RGS6: variants seen among roughly 807,000 people sequenced by gnomAD.
The protein encoded by RGS6 is regulator of G-protein signaling 6.
In RGS6, 30 loss-of-function variants were observed where a neutral mutation model predicts 78.5. That is an observed-to-expected ratio of 0.38 (90% confidence interval 0.29 to 0.52). The LOEUF is 0.52. RGS6 is among the 20% of genes least tolerant of loss of function. RGS6 has a pLI of 0.85. For missense variants in RGS6, 495 were observed against 609.7 expected, an observed-to-expected ratio of 0.81 and a Z score of 1.98; for synonymous variants, 206 against 206.0, an observed-to-expected ratio of 1.00 and a Z score of 0.00.
chr14:72,083,160 A>C (rs769902467), intron 2 of RGS6, among the ~76,000 whole-genome samples: 2 of 152,196 alleles, frequency 1.3e-5, no homozygotes, highest in African/African-American at 2.4e-5. Flanking sequence ...CAATTCACTC[A>C]TACGCTCATT....
intron 2 of RGS6, among the ~76,000 whole-genome samples, chr14:72,350,011 A>C (rs947506082): frequency 1.3e-5 from 2 of 152,232 alleles, no homozygotes; most frequent in East Asian, 3.8e-4. Context: ...CTATCAATAA[A>C]TAATACTCAA....
chr14:72,364,176 A>G (rs977169165), intron 3 of RGS6, among the ~76,000 whole-genome samples: 6 of 152,102 alleles, frequency 3.9e-5, no homozygotes, highest in Non-Finnish European at 2.9e-5. Context: ...TTGTTTAGCA[A>G]TATCAGATCC....
intron 2 of RGS6, among the ~76,000 whole-genome samples, chr14:72,054,348 G>A (rs915958012): frequency 2.0e-5 from 3 of 152,166 alleles, no homozygotes; most frequent in African/African-American, 7.2e-5. Context: ...CTGCAAAGGT[G>A]GAGGAATCAC....
chr14:72,462,030 G>T (rs1444327994), intron 6 of RGS6, among the ~76,000 whole-genome samples: 1 of 152,186 alleles, frequency 6.6e-6, no homozygotes, highest in East Asian at 1.9e-4. Context: ...TATGACTGAG[G>T]TGACCGTCTC....
At chr14:72,277,749 G>A (rs897719403) in intron 2 of RGS6, among the ~76,000 whole-genome samples, 2 of 151,978 alleles carry the variant, frequency 1.3e-5, no homozygotes, top group South Asian at 2.1e-4. Context: ...TCGACATGGT[G>A]AAACCCCGTC....
chr14:72,271,708 A>G (rs749339993), intron 2 of RGS6, among the ~76,000 whole-genome samples: 1 of 152,236 alleles, frequency 6.6e-6, no homozygotes, highest in Non-Finnish European at 1.5e-5. Context: ...AACCATGTAA[A>G]TATATTATCC....
At chr14:71,869,542 A>C in the RGS6 span, among the ~76,000 whole-genome samples, 1 of 152,254 alleles carries the variant, frequency 6.6e-6, no homozygotes. Context: ...AACTGAACTT[A>C]ACAAGCTTCC....
chr14:72,323,979 T>A (rs2072963085), intron 2 of RGS6, among the ~76,000 whole-genome samples: 1 of 152,030 alleles, frequency 6.6e-6, no homozygotes, highest in African/African-American at 2.4e-5. Flanking sequence ...TATGTAATCA[T>A]CACATTAGGG....
At chr14:71,985,024 A>G (rs1047550199) in intron 2 of RGS6, among the ~76,000 whole-genome samples, 56 of 152,226 alleles carry the variant, frequency 3.7e-4, no homozygotes, top group African/African-American at 1.4e-3. Flanking sequence ...ACATTAACCT[A>G]GAGAGTAATC....
At chr14:71,959,576 G>A (rs1220363709) in intron 1 of RGS6, among the ~76,000 whole-genome samples, 1 of 152,136 alleles carries the variant, frequency 6.6e-6, no homozygotes, top group Non-Finnish European at 1.5e-5. Flanking sequence ...GGTAATTTCA[G>A]TGACATTGTA....
At chr14:72,151,455 G>C (rs945148555) in intron 2 of RGS6, among the ~76,000 whole-genome samples, 3 of 152,194 alleles carry the variant, frequency 2.0e-5, no homozygotes, top group Non-Finnish European at 2.9e-5. Flanking sequence ...ATGGTTACAG[G>C]AAGACTGAAA....
intron 3 of RGS6, among the ~76,000 whole-genome samples, chr14:72,374,473 G>T (rs2084211780): frequency 6.6e-6 from 1 of 152,150 alleles, no homozygotes; most frequent in African/African-American, 2.4e-5. Flanking sequence ...TGATAGACTG[G>T]ATTAAGAAAA....
intron 2 of RGS6, among the ~76,000 whole-genome samples, chr14:72,191,274 G>A (rs576368759): frequency 5.3e-5 from 8 of 152,140 alleles, no homozygotes; most frequent in South Asian, 2.1e-4. Flanking sequence ...GCAAACTTTC[G>A]TCCACACCTG....
intron 2 of RGS6, among the ~76,000 whole-genome samples, chr14:72,269,090 C>T (rs1043231598): frequency 3.3e-5 from 5 of 152,052 alleles, no homozygotes; most frequent in African/African-American, 1.2e-4. Flanking sequence ...CAATAAATCC[C>T]TGCTGGCTCT....
intron 2 of RGS6, among the ~76,000 whole-genome samples, chr14:72,229,685 A>C (rs2049061504): frequency 6.6e-6 from 1 of 152,186 alleles, no homozygotes; most frequent in African/African-American, 2.4e-5. Flanking sequence ...AAATTAACTT[A>C]AGAAACATAA....
At chr14:72,208,269 C>T (rs1201161307) in intron 2 of RGS6, among the ~76,000 whole-genome samples, 4 of 152,142 alleles carry the variant, frequency 2.6e-5, no homozygotes, top group African/African-American at 4.8e-5. Context: ...CAGATGGAAG[C>T]CCATCAGAGC....
intron 2 of RGS6, among the ~76,000 whole-genome samples, chr14:72,135,058 A>T (rs1457283200): frequency 6.6e-6 from 1 of 152,222 alleles, no homozygotes; most frequent in Non-Finnish European, 1.5e-5. Flanking sequence ...AGTTCAACTG[A>T]CACATAAAAT....
intron 2 of RGS6, among the ~76,000 whole-genome samples, chr14:72,302,500 G>A (rs73304947): frequency 0.05 from 7,589 of 152,204 alleles, 564 homozygotes; most frequent in African/African-American, 0.17. Flanking sequence ...TCCTACTCCA[G>A]TGTTTATCAA....
At chr14:72,560,398 G>C (rs759648674) in intron 17 of RGS6, among the ~76,000 whole-genome samples, 3 of 152,172 alleles carry the variant, frequency 2.0e-5, no homozygotes, top group Non-Finnish European at 4.4e-5. Flanking sequence ...AGGCTCAGCA[G>C]CCCCGTGTTT....
Sources: gnomAD v4.1 joint callset for allele counts (sites outside exome capture counted in the v4.1 genomes callset) on GRCh38, gnomAD v4.1.1 for gene constraint, MANE v1.5 for transcripts, NCBI Gene and HGNC (gene_info 2026-07-23, HGNC 2026-07-21) for gene names.